The following CREB5 variants were observed in gnomAD, a reference collection of about 807,000 sequenced individuals.
CREB5 encodes cAMP responsive element binding protein 5.
In CREB5, 19 loss-of-function variants were observed where a neutral mutation model predicts 57.1. The observed-to-expected ratio is 0.33, with a 90% CI of 0.23 to 0.49. CREB5 has a LOEUF of 0.49. CREB5 is among the 20% of genes least tolerant of loss of function. CREB5 has a pLI of 0.99. For synonymous variants in CREB5, 238 were observed against 238.3 expected (o/e 1.00, Z 0.01); for missense variants, 579 against 671.6 (o/e 0.86, Z 1.52).
intron 7 of CREB5, among the ~76,000 whole-genome samples, chr7:28,751,959 G>T (rs1425968562): frequency 6.6e-6 from 1 of 152,070 alleles, no homozygotes; most frequent in Non-Finnish European, 1.5e-5. Flanking sequence ...ATATCCCCCA[G>T]TTTGTGTTTG....
intron 7 of CREB5, among the ~76,000 whole-genome samples, chr7:28,749,703 A>G (rs1471755945): frequency 1.3e-5 from 2 of 152,254 alleles, no homozygotes; most frequent in African/African-American, 2.4e-5. Context: ...AACAATGTCC[A>G]TAATGATGGA....
intron 5 of CREB5, among the ~76,000 whole-genome samples, chr7:28,661,459 TC>T (rs1191705843): frequency 7.6e-6 from 1 of 131,482 alleles, no homozygotes; most frequent in Non-Finnish European, 1.6e-5. Flanking sequence ...GAGCCCAGGC[TC>T]TATGTACATG....
chr7:28,619,052 T>A (rs1163324018), intron 5 of CREB5, among the ~76,000 whole-genome samples: 1 of 152,342 alleles, frequency 6.6e-6, no homozygotes, highest in Middle Eastern at 3.4e-3. Flanking sequence ...AAAATAAAAA[T>A]AGCCACTCTC....
intron 1 of CREB5, among the ~76,000 whole-genome samples, chr7:28,452,180 T>C (rs1258185380): frequency 6.6e-6 from 1 of 152,196 alleles, no homozygotes; most frequent in African/African-American, 2.4e-5. Context: ...CTCCATATCA[T>C]GCCTTCATTG....
At chr7:28,334,775 T>G (rs1785788574) in intron 1 of CREB5, among the ~76,000 whole-genome samples, 1 of 152,220 alleles carries the variant, frequency 6.6e-6, no homozygotes, top group South Asian at 2.1e-4. Flanking sequence ...AAGAAATCTT[T>G]GCCCAGTCCA....
chr7:28,540,660 G>A (rs1459682809), intron 4 of CREB5, among the ~76,000 whole-genome samples: 1 of 152,094 alleles, frequency 6.6e-6, no homozygotes, highest in Non-Finnish European at 1.5e-5. Context: ...ATTAAAAATT[G>A]CTCTTTTTCT....
intron 1 of CREB5, among the ~76,000 whole-genome samples, chr7:28,386,754 T>G (rs1416567554): frequency 1.3e-5 from 2 of 152,214 alleles, no homozygotes; most frequent in African/African-American, 4.8e-5. Context: ...TATCTTCCAG[T>G]TTCCCAATTC....
At chr7:28,460,374 C>T (rs1435665509) in intron 1 of CREB5, among the ~76,000 whole-genome samples, 2 of 152,140 alleles carry the variant, frequency 1.3e-5, no homozygotes, top group African/African-American at 4.8e-5. Context: ...CAATGATATA[C>T]ATGCTAGTGC....
chr7:28,435,260 G>A (rs1449083763), intron 1 of CREB5, among the ~76,000 whole-genome samples: 1 of 152,098 alleles, frequency 6.6e-6, no homozygotes, highest in South Asian at 2.1e-4. Context: ...TCCCTAGGAG[G>A]GGGGTGGATC....
chr7:28,804,665 G>A, intron 8 of CREB5, 143 bp downstream of exon 8: 1 of 1,046,502 alleles, frequency 9.6e-7, no homozygotes, highest in East Asian at 2.4e-5. Flanking sequence ...TTATCTCCTA[G>A]GAGGCAAGCC....
At chr7:28,422,881 A>G (rs1224772471) in intron 1 of CREB5, among the ~76,000 whole-genome samples, 2 of 152,264 alleles carry the variant, frequency 1.3e-5, no homozygotes, top group South Asian at 4.1e-4. Flanking sequence ...AACACCTTAC[A>G]TTGTTTAGGA....
intron 1 of CREB5, among the ~76,000 whole-genome samples, chr7:28,467,788 G>T (rs553258947): frequency 6.8e-4 from 103 of 152,292 alleles, no homozygotes; most frequent in African/African-American, 2.5e-3. Context: ...AAGAGGTGGA[G>T]CTAATGGGAG....
chr7:28,582,761 A>G (rs1478843371), intron 5 of CREB5, among the ~76,000 whole-genome samples: 1 of 152,218 alleles, frequency 6.6e-6, no homozygotes, highest in African/African-American at 2.4e-5. Flanking sequence ...GGAGCGTCCA[A>G]ACAGAACTGG....
At chr7:28,644,971 C>G (rs553041990) in intron 5 of CREB5, among the ~76,000 whole-genome samples, 128 of 152,254 alleles carry the variant, frequency 8.4e-4, no homozygotes, top group South Asian at 1.7e-3. Context: ...GATGGAAACT[C>G]TTGGCCAACA....
chr7:28,346,508 G>A (rs1450412939), intron 1 of CREB5, among the ~76,000 whole-genome samples: 1 of 152,210 alleles, frequency 6.6e-6, no homozygotes, highest in East Asian at 1.9e-4. Flanking sequence ...ATTTCAACAT[G>A]TGAATTTTGG....
At chr7:28,743,782 C>G (rs1371834317) in intron 7 of CREB5, among the ~76,000 whole-genome samples, 1 of 151,060 alleles carries the variant, frequency 6.6e-6, no homozygotes, top group Non-Finnish European at 1.5e-5. Flanking sequence ...CCAACTTCCC[C>G]CTGTGTCCTT....
chr7:28,773,925 C>T (rs549398211), intron 7 of CREB5, among the ~76,000 whole-genome samples: 1 of 152,250 alleles, frequency 6.6e-6, no homozygotes, highest in South Asian at 2.1e-4. Context: ...TTTACAATGT[C>T]GAGGTGGATG....
At chr7:28,403,933 AC>A (rs1787527228) in intron 1 of CREB5, among the ~76,000 whole-genome samples, 1 of 152,214 alleles carries the variant, frequency 6.6e-6, no homozygotes, top group Admixed American at 6.5e-5. Flanking sequence ...CATTAATTTT[AC>A]TGTTCATCTT....
intron 5 of CREB5, among the ~76,000 whole-genome samples, chr7:28,666,549 TA>T (rs35759222): frequency 0.33 from 50,611 of 151,842 alleles, 8,808 homozygotes; most frequent in Middle Eastern, 0.47. Context: ...AAAATATATA[TA>T]TTTTTTATTT....
Sources: gnomAD v4.1 joint callset for allele counts (sites outside exome capture counted in the v4.1 genomes callset) on GRCh38, gnomAD v4.1.1 for gene constraint, MANE v1.5 for transcripts, NCBI Gene and HGNC (gene_info 2026-07-23, HGNC 2026-07-21) for gene names.